CUBN: variants seen among roughly 807,000 people sequenced by gnomAD.
CUBN encodes 460 kDa receptor.
CUBN carries 282 observed loss-of-function variants against 405.3 expected under a neutral mutation model. The observed-to-expected ratio is 0.70, with a 90% CI of 0.63 to 0.77. The LOEUF (loss-of-function observed/expected upper bound fraction) is 0.77. CUBN is among the 30% of genes least tolerant of loss of function. CUBN has a pLI of 0.00. For synonymous variants in CUBN, 1,684 were observed against 1,617.0 expected (o/e 1.04, Z -0.99); for missense variants, 4,514 against 4,475.2 (o/e 1.01, Z -0.25).
In CUBN at chr10:16,889,953, A is replaced by AAAAAAAAAAAAAAAAAAAAAAAAAG. The variant is rs57009841; in HGVS notation, c.8755+417_8755+418insCTTTTTTTTTTTTTTTTTTTTTTTT. Among the ~76,000 whole-genome samples, 19 of 118,012 alleles carry AAAAAAAAAAAAAAAAAAAAAAAAAG rather than the reference A, an allele frequency of 1.6e-4. 4 individuals carry two copies. Among genetic ancestry groups the AAAAAAAAAAAAAAAAAAAAAAAAAG allele is most frequent in the African/African-American group, 7.1e-4 (17 of 23,874 alleles). 77.4% of individuals were successfully genotyped at this position (118,012 alleles called of 152,430 possible). A position where few individuals can be genotyped will look rare whatever the true frequency, so the allele number is the denominator to read the frequency against. ...GCCGTGTCAAAAAAAAAAAAAAAAAACAGGAAAGACTTCGTCATGGAAATT... is the reference window on the plus strand; with the variant it reads ...GCCGTGTCAAAAAAAAAAAAAAAAAAAAAAAAAAAAAAAAAAAAAAAAAAGCAGGAAAGACTTCGTCATGGAAATT... On this transcript the variant is annotated intron_variant, in intron 55 of 66. Transcript: ENST00000377833.
chr10:17,041,869 T>A (rs894241343), intron 26 of CUBN, among the ~76,000 whole-genome samples: 4 of 152,174 alleles, frequency 2.6e-5, no homozygotes, highest in African/African-American at 9.6e-5. Flanking sequence ...AAAAAAGTCT[T>A]CAATCCAATG....
chr10:16,969,657 G>A (rs1843498707), intron 31 of CUBN, among the ~76,000 whole-genome samples: 2 of 152,084 alleles, frequency 1.3e-5, no homozygotes, highest in Admixed American at 1.3e-4. Flanking sequence ...CCAGTCTACT[G>A]TTCCATTTTT....
In CUBN at chr10:16,872,797, G is replaced by A. The variant is rs192765373; in HGVS notation, c.9236+1577C>T. ...AAATGGCTCCCCCTTACACTTTCAC[G>A]CCTGTGCAGGCATACTTCACAGAAC... is the stretch of plus-strand genomic sequence containing the variant. On this transcript the variant is annotated intron_variant, in intron 58 of 66. Coordinates refer to ENST00000377833, the MANE Select transcript of CUBN (RefSeq NM_001081.4). Among the ~76,000 whole-genome samples the A allele has an allele frequency of 1.3e-3, 203 of 152,296 alleles. 3 individuals are homozygous for A. The highest frequency in any genetic ancestry group is 1.7e-3 in the Non-Finnish European group (118 of 68,030).
At chr10:17,045,329 T>TA in intron 24 of CUBN, 141 bp from the exon 25 acceptor site, 1 of 811,276 alleles carries the variant, frequency 1.2e-6, no homozygotes, top group Non-Finnish European at 2.0e-6. Context: ...AGAGTAGTTA[T>TA]AGCCTAAAAA....
chr10:17,080,841 T>C (rs1835950365), intron 17 of CUBN, among the ~76,000 whole-genome samples: 1 of 152,240 alleles, frequency 6.6e-6, no homozygotes, highest in South Asian at 2.1e-4. Flanking sequence ...TCTGGAAAGA[T>C]GCTTCCATCA....
intron 66 of CUBN, among the ~76,000 whole-genome samples, chr10:16,825,670 T>TGTGG (rs1307208978): frequency 1.4e-4 from 20 of 139,754 alleles, no homozygotes; most frequent in African/African-American, 4.1e-4. Flanking sequence ...TGTGTGTGTG[T>TGTGG]GTGTTGGGGG....
At position 16,831,306 on chromosome 10, in the gene CUBN, C is replaced by A. The variant is rs764917718; in HGVS notation, c.10474G>T (p.Asp3492Tyr). 6.3e-5 allele frequency: 102 copies of A among 1,613,764 alleles called. No individual in the cohort carries two copies. Among genetic ancestry groups the A allele is most frequent in the Non-Finnish European group, 8.5e-5 (100 of 1,179,774 alleles). Residue 3492 changes from aspartate to tyrosine, a missense_variant, in exon 65 of 67, where the codon GAT becomes TAT. Asp to Tyr is a radical substitution (Grantham distance 160). Transcript: ENST00000377833. ...NNELYLRFKS[D>Y]SVTSDRGYEI... ...TATCCACGATCAGAAGTTACACTAT[C>A]ACTCTTAAATCGTAGGTATAGTTCA... is the stretch of plus-strand genomic sequence containing the variant.
intron 7 of CUBN, among the ~76,000 whole-genome samples, chr10:17,114,402 A>G (rs990646510): frequency 1.3e-4 from 20 of 152,208 alleles, no homozygotes; most frequent in African/African-American, 4.6e-4. Context: ...AAAGCAAGCT[A>G]TAATTTCTCC....
chr10:17,118,935 T>C (rs1218011899), intron 6 of CUBN, among the ~76,000 whole-genome samples: 1 of 152,250 alleles, frequency 6.6e-6, no homozygotes, highest in Admixed American at 6.5e-5. Flanking sequence ...GTCTTTTCTA[T>C]GACCTTTTAT....
intron 11 of CUBN, 67 bp downstream of exon 11, chr10:17,105,390 T>A: frequency 1.1e-6 from 1 of 936,056 alleles, no homozygotes; most frequent in Non-Finnish European, 1.8e-6. Context: ...TCCTATAACG[T>A]TACATTTTAT....
intron 43 of CUBN, 64 bp from the exon 44 acceptor site, chr10:16,920,201 A>T: frequency 6.6e-7 from 1 of 1,512,860 alleles, no homozygotes; most frequent in Non-Finnish European, 9.2e-7. Context: ...AATGGCCACA[A>T]ATCATCTTTT....
intron 22 of CUBN, among the ~76,000 whole-genome samples, chr10:17,048,093 ACTGT>A (rs1835181247): frequency 6.6e-6 from 1 of 152,216 alleles, no homozygotes; most frequent in Non-Finnish European, 1.5e-5. Flanking sequence ...CCTCTCAAAC[ACTGT>A]CAAGCTCTGC....
rs117371833 is a variant in CUBN at position 16,867,503 on chromosome 10, T to C, written c.9454+2133A>G. Among the ~76,000 whole-genome samples, 779 of 152,338 alleles carry C rather than the reference T, an allele frequency of 5.1e-3. 4 individuals carry two copies. The highest frequency in any genetic ancestry group is 6.8e-3 in the Middle Eastern group (2 of 294). On this transcript the variant is annotated intron_variant, in intron 59 of 66. Coordinates refer to ENST00000377833, the MANE Select transcript of CUBN (RefSeq NM_001081.4). ...TTTGTAAGACCACTGCAATGCAAAATCATAATACTTAGGTTTTCACTTAAA... is the reference window on the plus strand; with the variant it reads ...TTTGTAAGACCACTGCAATGCAAAACCATAATACTTAGGTTTTCACTTAAA...
chr10:16,933,234 A>G lies in CUBN; in HGVS notation c.5977T>C (p.Ser1993Pro), dbSNP rs1842411750. ...RTGDAPVFLF[S>P]PGWPDSYSNR... ...CTGTAACTGTCAGGCCAGCCCGGGG[A>G]GAAGAGAAACACGGGTGCATCTCCC... is the stretch of plus-strand genomic sequence containing the variant. Residue 1993 changes from serine (S) to proline (P), a missense_variant, in exon 40 of 67, where the codon TCC becomes CCC. Ser to Pro is a moderately conservative substitution (Grantham distance 74). Around this residue, in one of 5 missense-constraint regions of CUBN, gnomAD observed 1,613 missense variants for 1,542.8 expected, o/e 1.05. Transcript: ENST00000377833. 1 of 1,613,926 alleles carries G rather than the reference A, an allele frequency of 6.2e-7. No homozygotes were observed. The highest frequency in any genetic ancestry group is 1.3e-5 in the African/African-American group (1 of 74,910).
chr10:16,825,041 G>A lies in CUBN; in HGVS notation c.10806C>T (p.Val3602=). The A allele has an allele frequency of 6.2e-7, 1 of 1,613,636 alleles. No individual in the cohort carries two copies. The highest frequency in any genetic ancestry group is 8.5e-7 in the Non-Finnish European group (1 of 1,179,860). ...IAPFVASSNQ[V]FIKFHADYAR... is the part of the protein sequence containing the mutation. ...CATAATCAGCATGAAATTTTATGAA[G>A]ACCTGATTTGAGGAAGCCACGAAGG... The change falls in exon 67 of 67, where the codon GTC becomes GTT. Residue 3602 remains valine (V), a synonymous_variant. Transcript: ENST00000377833.
chr10:16,966,452 C>A (rs1039547131), intron 31 of CUBN, among the ~76,000 whole-genome samples: 13 of 129,392 alleles, frequency 1.0e-4, no homozygotes, highest in Admixed American at 4.7e-4. Flanking sequence ...TGCTTTACTA[C>A]ATTTTTTTTT....
intron 17 of CUBN, among the ~76,000 whole-genome samples, chr10:17,076,617 C>T (rs748576495): frequency 6.6e-6 from 1 of 152,086 alleles, no homozygotes; most frequent in Admixed American, 6.6e-5. Context: ...ACTTGCAATA[C>T]TGCCATACGG....
intron 62 of CUBN, among the ~76,000 whole-genome samples, chr10:16,838,739 G>C (rs1207600676): frequency 6.6e-6 from 1 of 152,190 alleles, no homozygotes; most frequent in Non-Finnish European, 1.5e-5. Flanking sequence ...CTGCTTCCCA[G>C]GTTCAAGCGA....
chr10:16,838,578 A>G (rs890202566), intron 62 of CUBN, among the ~76,000 whole-genome samples: 2 of 152,230 alleles, frequency 1.3e-5, no homozygotes, highest in African/African-American at 4.8e-5. Flanking sequence ...TTTGTGTCCA[A>G]CTGTCTCCTC....
Sources: allele counts gnomAD v4.1 joint callset (sites outside exome capture counted in the v4.1 genomes callset), GRCh38; gene constraint gnomAD v4.1.1; regional missense constraint gnomAD v4.1.1; transcripts MANE v1.5; gene names NCBI Gene and HGNC (gene_info 2026-07-23, HGNC 2026-07-21).